The following DLG2 variants were observed in gnomAD, a reference collection of about 807,000 sequenced individuals.
DLG2 encodes disks large homolog 2.
A neutral mutation model predicts 132.5 loss-of-function variants in DLG2; 45 were observed. The observed-to-expected ratio is 0.34, with a 90% CI of 0.27 to 0.44. The LOEUF (loss-of-function observed/expected upper bound fraction) is 0.44, where lower values mean the gene tolerates loss of function less well. Among genes scored for constraint, DLG2 ranks in the 20% least tolerant of loss-of-function variants. The pLI is 1.00. For missense variants in DLG2, 1,045 were observed against 1,196.9 expected (o/e 0.87, Z 1.87); for synonymous variants, 424 against 419.6 (o/e 1.01, Z -0.13).
intron 7 of DLG2, among the ~76,000 whole-genome samples, chr11:84,402,380 G>A (rs999292955): frequency 2.0e-5 from 3 of 152,040 alleles, no homozygotes; most frequent in Non-Finnish European, 4.4e-5. Context: ...TTTGTCTCTA[G>A]GTTTGATGGG....
intron 6 of DLG2, among the ~76,000 whole-genome samples, chr11:85,110,630 C>G (rs541702635): frequency 6.6e-6 from 1 of 152,032 alleles, no homozygotes; most frequent in African/African-American, 2.4e-5. Context: ...CCCACTTTCT[C>G]CCCCCTGCCA....
chr11:84,457,132 T>G (rs542438329), intron 7 of DLG2, among the ~76,000 whole-genome samples: 23 of 151,288 alleles, frequency 1.5e-4, no homozygotes, highest in African/African-American at 5.3e-4. Flanking sequence ...TGTGACCTCC[T>G]AAAGTTTCTA....
chr11:85,517,604 T>C (rs2094194545), intron 3 of DLG2, among the ~76,000 whole-genome samples: 1 of 151,900 alleles, frequency 6.6e-6, no homozygotes, highest in Non-Finnish European at 1.5e-5. Flanking sequence ...CAGTAGCATT[T>C]CTTTCTTCTT....
At chr11:84,124,263 G>A (rs2094059199) in intron 9 of DLG2, among the ~76,000 whole-genome samples, 1 of 152,142 alleles carries the variant, frequency 6.6e-6, no homozygotes, top group Admixed American at 6.5e-5. Flanking sequence ...CTCTGGAGAG[G>A]TGACATAAAA....
chr11:84,582,489 C>T (rs1181092839), intron 6 of DLG2, among the ~76,000 whole-genome samples: 1 of 147,954 alleles, frequency 6.8e-6, no homozygotes, highest in Non-Finnish European at 1.5e-5. Flanking sequence ...ATATAATAAA[C>T]ATACATACAT....
intron 20 of DLG2, 21 bp downstream of exon 20, chr11:83,541,661 T>C (rs774827353): frequency 1.9e-6 from 3 of 1,569,526 alleles, no homozygotes; most frequent in South Asian, 1.2e-5. Context: ...GCAAATATTC[T>C]AGTACAAAAG....
chr11:85,533,676 C>T (rs2075372842), intron 3 of DLG2, among the ~76,000 whole-genome samples: 2 of 151,908 alleles, frequency 1.3e-5, no homozygotes, highest in South Asian at 2.1e-4. Context: ...ATATATATCC[C>T]ACAGCATCCA....
intron 11 of DLG2, among the ~76,000 whole-genome samples, chr11:83,990,990 CA>C: frequency 6.6e-6 from 1 of 152,076 alleles, no homozygotes. Flanking sequence ...TAAAAAACAA[CA>C]AAAAAACCCT....
At chr11:84,351,127 GA>G (rs142032512) in intron 7 of DLG2, among the ~76,000 whole-genome samples, 1 of 150,476 alleles carries the variant, frequency 6.6e-6, no homozygotes, top group East Asian at 1.9e-4. Context: ...TTCTCCAGAT[GA>G]AAAAAAAAGT....
chr11:85,541,016 C>G (rs781291471), intron 3 of DLG2, among the ~76,000 whole-genome samples: 2 of 152,208 alleles, frequency 1.3e-5, no homozygotes, highest in Admixed American at 6.5e-5. Flanking sequence ...CCCAGGATAA[C>G]TTGGAAGTGT....
chr11:84,977,684 T>A (rs1329819573), intron 6 of DLG2, among the ~76,000 whole-genome samples: 1 of 152,166 alleles, frequency 6.6e-6, no homozygotes, highest in Non-Finnish European at 1.5e-5. Flanking sequence ...TGTCCTTAAG[T>A]GTTTATAGAT....
chr11:85,439,686 C>T (rs2091679219), intron 3 of DLG2, among the ~76,000 whole-genome samples: 1 of 151,994 alleles, frequency 6.6e-6, no homozygotes, highest in Admixed American at 6.6e-5. Flanking sequence ...ATCCGAGGAT[C>T]ACAATATGTT....
At chr11:84,941,477 A>G (rs994622616) in intron 6 of DLG2, among the ~76,000 whole-genome samples, 3 of 152,136 alleles carry the variant, frequency 2.0e-5, no homozygotes, top group Non-Finnish European at 4.4e-5. Context: ...GCATCAATTA[A>G]AAGGATCATA....
chr11:84,817,273 TA>T (rs1261359604), intron 6 of DLG2, among the ~76,000 whole-genome samples: 1 of 151,978 alleles, frequency 6.6e-6, no homozygotes, highest in Non-Finnish European at 1.5e-5. Context: ...TCCATTTCAA[TA>T]TAAGTGCCAG....
chr11:83,540,434 T>C (rs2096030052), intron 20 of DLG2, among the ~76,000 whole-genome samples: 1 of 152,150 alleles, frequency 6.6e-6, no homozygotes, highest in African/African-American at 2.4e-5. Context: ...GGGAGATCTA[T>C]AGGCACTGGC....
chr11:83,811,942 G>A (rs114737618), intron 17 of DLG2, among the ~76,000 whole-genome samples: 1,875 of 152,176 alleles, frequency 0.012, 48 homozygotes, highest in African/African-American at 0.043. Context: ...AGAAGTGTGA[G>A]AGAAAAATGT....
chr11:85,064,795 C>A (rs146466333), intron 6 of DLG2, among the ~76,000 whole-genome samples: 3 of 151,536 alleles, frequency 2.0e-5, no homozygotes, highest in African/African-American at 7.3e-5. Context: ...GCCTTAAGAG[C>A]AAAGACTGAG....
intron 6 of DLG2, among the ~76,000 whole-genome samples, chr11:84,678,382 C>G (rs2099720332): frequency 6.6e-6 from 1 of 151,996 alleles, no homozygotes; most frequent in Admixed American, 6.6e-5. Context: ...GTTAGCACAC[C>G]AGGGAGACAA....
intron 3 of DLG2, among the ~76,000 whole-genome samples, chr11:85,379,701 A>C (rs2085718751): frequency 6.6e-6 from 1 of 152,166 alleles, no homozygotes; most frequent in Non-Finnish European, 1.5e-5. Context: ...CTCCCACAAC[A>C]CAAAAGCCTA....
Sources: allele counts gnomAD v4.1 joint callset (sites outside exome capture counted in the v4.1 genomes callset), GRCh38; gene constraint gnomAD v4.1.1; transcripts MANE v1.5; gene names NCBI Gene and HGNC (gene_info 2026-07-23, HGNC 2026-07-21).